ACTL6B: variants seen among roughly 807,000 people sequenced by gnomAD.
The protein encoded by ACTL6B is actin-like protein 6B.
In ACTL6B, 48 loss-of-function variants were observed where a neutral mutation model predicts 63.3. The observed-to-expected ratio is 0.76, with a 90% CI of 0.60 to 0.96. ACTL6B has a LOEUF of 0.96. ACTL6B is among the 50% of genes least tolerant of loss of function. The pLI, the probability that ACTL6B is intolerant of heterozygous loss-of-function variation, is 0.00. For synonymous variants in ACTL6B, 230 were observed against 223.8 expected, an observed-to-expected ratio of 1.03 and a Z score of -0.25; for missense variants, 350 against 572.2, an observed-to-expected ratio of 0.61 and a Z score of 3.96.
rs755662949 is a variant in ACTL6B, at chr7:100,655,524, C to G, written c.165G>C (p.Glu55Asp). Residue 55 changes from glutamate (E) to aspartate (D), a missense_variant, in exon 3 of 14, where the codon GAG becomes GAC. Physicochemically the swap from Glu to Asp is conservative, Grantham distance 45. This residue lies in a region of ACTL6B where 250 missense variants were observed against 364.7 expected (regional missense o/e 0.69). Coordinates refer to ENST00000160382, the MANE Select transcript of ACTL6B (RefSeq NM_016188.5). The surrounding 1 kb of genome is among the most constrained non-coding windows in gnomAD (Gnocchi z 4.4). ...AAEEGGGLELEGDKEKKGKIF... is the reference protein window; with the variant it reads ...AAEEGGGLELDGDKEKKGKIF... ...TCTTCCCTTTCTTCTCTTTGTCCCC[C>G]TCCAGCTCCAGCCCGCCCCCCTCCT... The G allele has an allele frequency of 4.3e-6, 7 of 1,614,182 alleles. No individual in the cohort carries two copies. In the East Asian group the frequency reaches 8.9e-5, roughly 21 times the overall value.
At position 100,655,724 on chromosome 7, in the gene ACTL6B, G is replaced by A; in HGVS notation, c.102+79C>T. 1 of 1,518,490 alleles carries A rather than the reference G, an allele frequency of 6.6e-7. No homozygotes were observed. Among genetic ancestry groups the A allele is most frequent in the Non-Finnish European group, 8.9e-7 (1 of 1,127,756 alleles). The allele number at this position is 1,518,490 out of a possible 1,614,324, so 94.1% of individuals were successfully genotyped here. On this transcript the variant is annotated intron_variant, in intron 2 of 13. Transcript: ENST00000160382. This position sits in a 1 kb window ranked among gnomAD's most constrained non-coding sequence, Gnocchi z 4.4. The stretch of plus-strand genomic sequence containing the variant: ...GCTCAGCAGAGCTTCTGGGCGATCT[G>A]GGAGAGCCCTGGGTCACTGGAAAGC...
intron 4 of ACTL6B, among the ~76,000 whole-genome samples, chr7:100,652,039 G>A (rs1169784742): frequency 1.3e-5 from 2 of 152,182 alleles, no homozygotes; most frequent in Non-Finnish European, 2.9e-5. Flanking sequence ...CTGTCCCCTG[G>A]CAGAGGGCTA....
chr7:100,655,846 G>A lies in ACTL6B; in HGVS notation c.59C>T (p.Ser20Phe). ...AGCGTACCCAGCGCGGACTGAGAAG[G>A]AGCCAATGTCAAAGACCAGCGCCCC... is the stretch of plus-strand genomic sequence containing the variant. Reference protein sequence around the residue: ...EVGALVFDIGSFSVRAGYAGE... With the variant: ...EVGALVFDIGFFSVRAGYAGE... Residue 20 changes from serine (S) to phenylalanine (F), a missense_variant, in exon 2 of 14, where the codon TCC becomes TTC. Physicochemically the swap from Ser to Phe is radical, Grantham distance 155. Around this residue, in one of 3 missense-constraint regions of ACTL6B, gnomAD observed 250 missense variants for 364.7 expected, o/e 0.69. Coordinates refer to ENST00000160382, the MANE Select transcript of ACTL6B (RefSeq NM_016188.5). This position sits in a 1 kb window ranked among gnomAD's most constrained non-coding sequence, Gnocchi z 4.4. 6.3e-7 allele frequency: 1 copy of A among 1,576,114 alleles called. No homozygotes were observed. Among genetic ancestry groups the A allele is most frequent in the Non-Finnish European group, 8.6e-7 (1 of 1,160,422 alleles).
Position 100,647,019 on chromosome 7 carries a change from G to C in ACTL6B, c.888C>G (p.Ala296=), listed in dbSNP as rs747378475. The change falls in exon 10 of 14, where the codon GCC becomes GCG. Residue 296 remains alanine, a synonymous_variant. Coordinates refer to ENST00000160382, the MANE Select transcript of ACTL6B (RefSeq NM_016188.5). The surrounding 1 kb of genome is among the most constrained non-coding windows in gnomAD (Gnocchi z 4.4). The part of the protein sequence containing the change: ...MPNGYNTDYG[A]ERLRIPEGLF... ...GGCCCTCAGGGATGCGGAGTCGCTC[G>C]GCGCCGTAGTCTGTATTGTAGCCAT... is the stretch of plus-strand genomic sequence containing the variant. 1 of 1,614,096 alleles carries C rather than the reference G, an allele frequency of 6.2e-7. No individual in the cohort carries two copies. The highest frequency in any genetic ancestry group is 8.5e-7 in the Non-Finnish European group (1 of 1,180,022).
At position 100,647,615 on chromosome 7, in the gene ACTL6B, G is replaced by T; in HGVS notation, c.670-82C>A. On this transcript the variant is annotated intron_variant, in intron 7 of 13. Transcript: ENST00000160382. The surrounding 1 kb of genome is among the most constrained non-coding windows in gnomAD (Gnocchi z 4.4). The stretch of plus-strand genomic sequence containing the variant: ...CCTTCCTGGCACTGTTCCCAGCTCT[G>T]CAGCTACCTGGCGCTGCAGGCTCTG... The T allele has an allele frequency of 1.9e-6, 2 of 1,058,908 alleles. No individual in the cohort carries two copies. Among genetic ancestry groups the T allele is most frequent in the Non-Finnish European group, 2.8e-6 (2 of 721,350 alleles). The allele number at this position is 1,058,908 out of a possible 1,614,324, so 65.6% of individuals were successfully genotyped here.
At position 100,646,539 on chromosome 7, in the gene ACTL6B, G is replaced by T. The variant is rs368108807; in HGVS notation, c.1113+12C>A. 13 of 1,613,626 alleles carry T rather than the reference G, an allele frequency of 8.1e-6. No individual in the cohort carries two copies. The highest frequency in any genetic ancestry group is 1.7e-4 in the Middle Eastern group (1 of 6,042). ...GGGTGTCCAGGGCTCTGGGTCAGGG[G>T]TGGGCTCCTACCGGTGGGGTCTTCT... On this transcript the variant is annotated intron_variant, in intron 12 of 13. Coordinates refer to ENST00000160382, the MANE Select transcript of ACTL6B (RefSeq NM_016188.5). The surrounding 1 kb of genome is among the most constrained non-coding windows in gnomAD (Gnocchi z 6.1).
Position 100,647,048 on chromosome 7 carries a change from G to C in ACTL6B, c.859C>G (p.Pro287Ala). The C allele has an allele frequency of 6.2e-7, 1 of 1,614,110 alleles. No individual in the cohort carries two copies. ...AQMPTVHYEM[P>A]NGYNTDYGAE... Reference sequence around the variant, plus strand: ...CCGTAGTCTGTATTGTAGCCATTGGGCATCTCGTAGTGCACTGTGGGCATT... The same window carrying C: ...CCGTAGTCTGTATTGTAGCCATTGGCCATCTCGTAGTGCACTGTGGGCATT... Residue 287 changes from proline to alanine, a missense_variant, in exon 10 of 14, where the codon CCC becomes GCC. This residue lies in a region of ACTL6B where 24 missense variants were observed against 81.4 expected (regional missense o/e 0.29). Transcript: ENST00000160382. This position sits in a 1 kb window ranked among gnomAD's most constrained non-coding sequence, Gnocchi z 4.4.
chr7:100,646,183 G>A lies in ACTL6B; in HGVS notation c.1200+66C>T, dbSNP rs1803817671. 7.6e-7 allele frequency: 1 copy of A among 1,309,388 alleles called. No individual in the cohort carries two copies. Among genetic ancestry groups the A allele is most frequent in the South Asian group, 1.3e-5 (1 of 79,366 alleles). The allele number at this position is 1,309,388 out of a possible 1,614,324, so 81.1% of individuals were successfully genotyped here. On this transcript the variant is annotated intron_variant, in intron 13 of 13. Transcript: ENST00000160382. The surrounding 1 kb of genome is among the most constrained non-coding windows in gnomAD (Gnocchi z 6.1). ...AATGAACGAAGAGGCAGTCAAAGTG[G>A]CGGGCACTGTCTGGGTCTCCCCTCT...
chr7:100,648,477 C>T lies in ACTL6B; in HGVS notation c.669+79G>A, dbSNP rs760170659. 4.4e-5 allele frequency: 55 copies of T among 1,242,430 alleles called. No homozygotes were observed. The highest frequency in any genetic ancestry group is 6.0e-5 in the Non-Finnish European group (54 of 906,360). 77.0% of individuals were successfully genotyped at this position (1,242,430 alleles called of 1,614,324 possible). On this transcript the variant is annotated intron_variant, in intron 7 of 13. Transcript: ENST00000160382. The surrounding 1 kb of genome is among the most constrained non-coding windows in gnomAD (Gnocchi z 4.4). ...AGCCTGCTGCTCTCTGCTCTGATAT[C>T]TCATGTGTCAGAGGGTTGACGGCCA...
rs1288028732 is a variant in ACTL6B at position 100,647,671 on chromosome 7, C to T, written c.670-138G>A. 1 of 631,848 alleles carries T rather than the reference C, an allele frequency of 1.6e-6. No individual in the cohort carries two copies. The highest frequency in any genetic ancestry group is 2.8e-6 in the Non-Finnish European group (1 of 362,320). 39.1% of individuals were successfully genotyped at this position (631,848 alleles called of 1,614,324 possible). A position where few individuals can be genotyped will look rare whatever the true frequency, so the allele number is the denominator to read the frequency against. On this transcript the variant is annotated intron_variant, in intron 7 of 13. Coordinates refer to ENST00000160382, the MANE Select transcript of ACTL6B (RefSeq NM_016188.5). This position sits in a 1 kb window ranked among gnomAD's most constrained non-coding sequence, Gnocchi z 4.4. The stretch of plus-strand genomic sequence containing the variant: ...CTGCCTGCAAGAGGGGTTTCTCACC[C>T]TTCCCTGATGGAGAGGAGAGAGAAT...
In ACTL6B at chr7:100,656,378, C is replaced by G; in HGVS notation, c.-24G>C. 5 of 1,322,610 alleles carry G rather than the reference C, an allele frequency of 3.8e-6. No individual in the cohort carries two copies. Among genetic ancestry groups the G allele is most frequent in the Non-Finnish European group, 3.9e-6 (4 of 1,031,996 alleles). The allele number at this position is 1,322,610 out of a possible 1,614,324, so 81.9% of individuals were successfully genotyped here. On this transcript the variant is annotated 5_prime_UTR_variant, in exon 1 of 14. Transcript: ENST00000160382. ...ATAGTGCCCGCTGCGCTGCTAGCGG[C>G]CCGTGGGCGGTGGCGGGATCAGCAC...
chr7:100,644,455 T>A (rs923488333), intron 13 of ACTL6B, among the ~76,000 whole-genome samples: 1 of 151,932 alleles, frequency 6.6e-6, no homozygotes, highest in East Asian at 1.9e-4. Flanking sequence ...CACACCCAAT[T>A]TTTTTGGGTT....
intron 4 of ACTL6B, among the ~76,000 whole-genome samples, chr7:100,652,999 CAAAAAAAAAAAAAAAAAAAAAAAAA>C (rs58707737): frequency 0.011 from 286 of 25,974 alleles, 8 homozygotes; most frequent in African/African-American, 0.045. Context: ...AACTCCGTCT[CAAAAAAAAAAAAAAAAAAAAAAAAA>C]AAAAAAAAAA....
In ACTL6B at chr7:100,643,206, C is replaced by A. The variant is rs774648720; in HGVS notation, c.*40G>T. The stretch of plus-strand genomic sequence containing the variant: ...ATGTGGCATGGGGGTTAAGGGACTT[C>A]CATCTGAGCTTGGGAGCAGGTGTGT... On this transcript the variant is annotated 3_prime_UTR_variant, in exon 14 of 14. Transcript: ENST00000160382. 6.2e-7 allele frequency: 1 copy of A among 1,601,258 alleles called. No individual in the cohort carries two copies.
In ACTL6B at chr7:100,647,389, C is replaced by T. The variant is rs1803844554; in HGVS notation, c.759+55G>A. The T allele has an allele frequency of 6.3e-7, 1 of 1,598,566 alleles. No homozygotes were observed. The highest frequency in any genetic ancestry group is 8.6e-7 in the Non-Finnish European group (1 of 1,167,104). On this transcript the variant is annotated intron_variant, in intron 8 of 13. Coordinates refer to ENST00000160382, the MANE Select transcript of ACTL6B (RefSeq NM_016188.5). This position sits in a 1 kb window ranked among gnomAD's most constrained non-coding sequence, Gnocchi z 4.4. Reference sequence around the variant, plus strand: ...CCTCCCATGCGGGGCCTCTGTCCCGCCCCCGATTCATGGCAGGGGAGGGGG... The same window carrying T: ...CCTCCCATGCGGGGCCTCTGTCCCGTCCCCGATTCATGGCAGGGGAGGGGG...
Position 100,648,201 on chromosome 7 carries a change from G to A in ACTL6B, c.669+355C>T, listed in dbSNP as rs1056900869. 1.1e-4 allele frequency: 20 copies of A among 175,360 alleles called. No individual in the cohort carries two copies. The highest frequency in any genetic ancestry group is 1.2e-5 in the Non-Finnish European group (1 of 83,470). The allele number at this position is 175,360 out of a possible 1,614,324, so 10.9% of individuals were successfully genotyped here. ...TCTCGAAGTGAGCTCAAAGCGATCT[G>A]CCTGCCTCAGCCTCCCGAAGTGCTG... On this transcript the variant is annotated intron_variant, in intron 7 of 13. Transcript: ENST00000160382. The surrounding 1 kb of genome is among the most constrained non-coding windows in gnomAD (Gnocchi z 4.4).
In ACTL6B at chr7:100,652,999, C is replaced by CAAAAAAAAAAA. The variant is rs58707737; in HGVS notation, c.369+2009_369+2019dup. On this transcript the variant is annotated intron_variant, in intron 4 of 13. Coordinates refer to ENST00000160382, the MANE Select transcript of ACTL6B (RefSeq NM_016188.5). Reference sequence around the variant, plus strand: ...CTGGTGACAGAGCAAAACTCCGTCTCAAAAAAAAAAAAAAAAAAAAAAAAA... The same window carrying CAAAAAAAAAAA: ...CTGGTGACAGAGCAAAACTCCGTCTCAAAAAAAAAAAAAAAAAAAAAAAAAAAAAAAAAAAA... 6.9e-4 allele frequency among the ~76,000 whole-genome samples: 18 copies of CAAAAAAAAAAA among 25,948 alleles called. 1 individual carries two copies. The highest frequency in any genetic ancestry group is 2.1e-3 in the East Asian group (1 of 468). 17.0% of individuals were successfully genotyped at this position (25,948 alleles called of 152,430 possible). A position where few individuals can be genotyped will look rare whatever the true frequency, so the allele number is the denominator to read the frequency against.
At chr7:100,650,015 G>A in intron 5 of ACTL6B, 23 bp downstream of exon 5, 2 of 1,609,974 alleles carry the variant, frequency 1.2e-6, no homozygotes, top group East Asian at 2.2e-5. Flanking sequence ...CACCCAGTCA[G>A]AGCAGCTCAG....
chr7:100,654,559 T>A (rs1326835025), intron 4 of ACTL6B, among the ~76,000 whole-genome samples: 1 of 151,368 alleles, frequency 6.6e-6, no homozygotes, highest in Non-Finnish European at 1.5e-5. Flanking sequence ...GGCGGGTGGA[T>A]CACCTGAGGT....
Sources: gnomAD v4.1 joint callset for allele counts (sites outside exome capture counted in the v4.1 genomes callset) on GRCh38, gnomAD v4.1.1 for gene constraint, gnomAD v4.1.1 regional missense constraint, Gnocchi (gnomAD v3.1) non-coding constraint, MANE v1.5 for transcripts, NCBI Gene and HGNC (gene_info 2026-07-23, HGNC 2026-07-21) for gene names.